ALCAM: variants seen among roughly 807,000 people sequenced by gnomAD.
ALCAM encodes activated leukocyte cell adhesion molecule, also known as CD166 antigen.
In ALCAM, 30 loss-of-function variants were observed where a neutral mutation model predicts 70.9. That is an observed-to-expected ratio of 0.42 (90% CI 0.32 to 0.57). The LOEUF is 0.57. Ranked by LOEUF, ALCAM falls within the 20% of genes least tolerant of loss-of-function variation. ALCAM has a pLI of 0.11. For synonymous variants in ALCAM, 249 were observed against 242.5 expected (o/e 1.03, Z -0.25); for missense variants, 591 against 695.1 (o/e 0.85, Z 1.68).
intron 1 of ALCAM, among the ~76,000 whole-genome samples, chr3:105,392,692 C>T (rs1028001401): frequency 2.6e-5 from 4 of 151,784 alleles, no homozygotes; most frequent in African/African-American, 9.7e-5. Flanking sequence ...TGAGATCTTT[C>T]TAACTTTTTG....
At chr3:105,549,198 T>A (rs1267385697) in intron 11 of ALCAM, among the ~76,000 whole-genome samples, 2 of 151,458 alleles carry the variant, frequency 1.3e-5, no homozygotes, top group Non-Finnish European at 3.0e-5. Flanking sequence ...GATATGTTAT[T>A]TTTCTTGTTC....
intron 1 of ALCAM, among the ~76,000 whole-genome samples, chr3:105,376,024 C>T (rs140523572): frequency 2.0e-5 from 3 of 152,066 alleles, no homozygotes; most frequent in East Asian, 3.9e-4. Context: ...TCACTTAGAG[C>T]GAAAACCTTA....
At chr3:105,473,486 T>C (rs1576186568) in intron 1 of ALCAM, among the ~76,000 whole-genome samples, 1 of 151,728 alleles carries the variant, frequency 6.6e-6, no homozygotes, top group Non-Finnish European at 1.5e-5. Context: ...TATCTTCCAC[T>C]TTTCTTACTT....
chr3:105,431,595 C>T (rs1017915743), intron 1 of ALCAM, among the ~76,000 whole-genome samples: 5 of 152,020 alleles, frequency 3.3e-5, no homozygotes, highest in African/African-American at 9.7e-5. Context: ...ACTGTAACTC[C>T]GTGGTGCCAG....
intron 3 of ALCAM, 58 bp downstream of exon 3, chr3:105,524,566 T>C (rs764114448): frequency 1.5e-5 from 24 of 1,601,902 alleles, no homozygotes; most frequent in Non-Finnish European, 1.9e-5. Flanking sequence ...TACCAGACCA[T>C]GTTCTTTAGA....
At chr3:105,523,221 A>G (rs1939600326) in intron 2 of ALCAM, among the ~76,000 whole-genome samples, 1 of 107,400 alleles carries the variant, frequency 9.3e-6, no homozygotes, top group Non-Finnish European at 1.9e-5. Context: ...ATTAGTAACT[A>G]TTATTTATTG....
chr3:105,391,900 C>T (rs1935829577), intron 1 of ALCAM, among the ~76,000 whole-genome samples: 1 of 151,928 alleles, frequency 6.6e-6, no homozygotes, highest in Non-Finnish European at 1.5e-5. Flanking sequence ...TATGTTGAAC[C>T]AGCCTTGCAT....
intron 1 of ALCAM, among the ~76,000 whole-genome samples, chr3:105,469,304 T>C (rs1937849698): frequency 6.6e-6 from 1 of 151,250 alleles, no homozygotes; most frequent in African/African-American, 2.4e-5. Context: ...TACTGCACAG[T>C]TCAGAGTTCT....
intron 1 of ALCAM, among the ~76,000 whole-genome samples, chr3:105,459,495 T>TTG (rs1937575483): frequency 6.6e-6 from 1 of 152,090 alleles, no homozygotes; most frequent in African/African-American, 2.4e-5. Context: ...ATTACTGAGT[T>TTG]ATCACCTGCC....
intron 11 of ALCAM, 58 bp from the exon 12 acceptor site, chr3:105,550,069 T>C (rs1940354901): frequency 6.8e-7 from 1 of 1,478,578 alleles, no homozygotes. Context: ...CATTACTCTT[T>C]CCTATGCTTT....
At chr3:105,432,891 A>C (rs1023419651) in intron 1 of ALCAM, among the ~76,000 whole-genome samples, 1 of 152,160 alleles carries the variant, frequency 6.6e-6, no homozygotes, top group Non-Finnish European at 1.5e-5. Context: ...TGTTCTAATC[A>C]TATTCTGTGA....
chr3:105,420,269 A>G (rs1298591557), intron 1 of ALCAM, among the ~76,000 whole-genome samples: 1 of 151,644 alleles, frequency 6.6e-6, no homozygotes, highest in Non-Finnish European at 1.5e-5. Flanking sequence ...CTTTATTAAA[A>G]AAATGGTCTT....
intron 1 of ALCAM, among the ~76,000 whole-genome samples, chr3:105,430,905 A>G (rs1576158402): frequency 6.6e-6 from 1 of 152,254 alleles, no homozygotes; most frequent in East Asian, 1.9e-4. Context: ...TATGAATTAT[A>G]GTCCATTACT....
chr3:105,503,349 G>C (rs1938975622), intron 1 of ALCAM, among the ~76,000 whole-genome samples: 1 of 152,194 alleles, frequency 6.6e-6, no homozygotes, highest in Non-Finnish European at 1.5e-5. Context: ...GGTATTAGCT[G>C]TTTTTCATGT....
chr3:105,450,349 T>G (rs753093264), intron 1 of ALCAM, among the ~76,000 whole-genome samples: 12 of 152,196 alleles, frequency 7.9e-5, no homozygotes, highest in Non-Finnish European at 1.5e-4. Flanking sequence ...CAGGGACGTT[T>G]TGATAGAAGT....
chr3:105,440,363 A>G (rs1396887591), intron 1 of ALCAM, among the ~76,000 whole-genome samples: 1 of 152,240 alleles, frequency 6.6e-6, no homozygotes, highest in Non-Finnish European at 1.5e-5. Flanking sequence ...TTCATTGATT[A>G]TCTACTGCCC....
At chr3:105,455,464 A>G (rs1339292460) in intron 1 of ALCAM, among the ~76,000 whole-genome samples, 2 of 151,754 alleles carry the variant, frequency 1.3e-5, no homozygotes, top group Admixed American at 6.6e-5. Context: ...AAAAAGAGAA[A>G]AGAAAACTTT....
chr3:105,441,439 A>G (rs147773009), intron 1 of ALCAM, among the ~76,000 whole-genome samples: 1 of 152,294 alleles, frequency 6.6e-6, no homozygotes, highest in Non-Finnish European at 1.5e-5. Context: ...CACCTTATTC[A>G]TTATGTATAG....
intron 1 of ALCAM, among the ~76,000 whole-genome samples, chr3:105,421,620 C>T (rs1936652287): frequency 6.6e-6 from 1 of 151,410 alleles, no homozygotes; most frequent in African/African-American, 2.4e-5. Context: ...AGACTTGTCA[C>T]CCATAGAAAT....
Sources: allele counts gnomAD v4.1 joint callset (sites outside exome capture counted in the v4.1 genomes callset), GRCh38; gene constraint gnomAD v4.1.1; transcripts MANE v1.5; gene names NCBI Gene and HGNC (gene_info 2026-07-23, HGNC 2026-07-21).